ATP10B: variants seen among roughly 807,000 people sequenced by gnomAD.
The protein encoded by ATP10B is ATPase phospholipid transporting 10B (putative).
ATP10B carries 122 observed loss-of-function variants against 141.2 expected under a neutral mutation model. The observed-to-expected ratio is 0.86, with a 90% CI of 0.75 to 1.00. The LOEUF is 1.00. Among genes scored for constraint, ATP10B ranks in the 50% least tolerant of loss-of-function variants. The pLI is 0.00. For missense variants in ATP10B, 1,876 were observed against 1,825.3 expected (o/e 1.03, Z -0.51); for synonymous variants, 685 against 692.0 (o/e 0.99, Z 0.16).
intron 1 of ATP10B, among the ~76,000 whole-genome samples, chr5:160,844,514 G>C (rs1775998897): frequency 6.6e-6 from 1 of 151,622 alleles, no homozygotes; most frequent in African/African-American, 2.4e-5. Context: ...TTCTGATTAT[G>C]AAGTAGTAAG....
At chr5:160,602,528 G>A (rs1256272480) in intron 21 of ATP10B, 49 bp downstream of exon 21, 1 of 1,610,972 alleles carries the variant, frequency 6.2e-7, no homozygotes, top group Non-Finnish European at 8.5e-7. Flanking sequence ...CTGGCCCCGT[G>A]GCAAGGCCTG....
chr5:160,877,544 G>A, the ATP10B span, among the ~76,000 whole-genome samples: 16 of 149,982 alleles, frequency 1.1e-4, no homozygotes, highest in South Asian at 3.4e-3. Flanking sequence ...GGGCAATCAG[G>A]CAGGAGAAGG....
At chr5:160,830,735 A>G (rs1314050760) in intron 1 of ATP10B, among the ~76,000 whole-genome samples, 2 of 152,016 alleles carry the variant, frequency 1.3e-5, no homozygotes, top group South Asian at 2.1e-4. Context: ...TTTGACAACT[A>G]CGTCACTGGA....
intron 2 of ATP10B, among the ~76,000 whole-genome samples, chr5:160,760,902 C>G (rs1202166391): frequency 6.6e-6 from 1 of 152,096 alleles, no homozygotes. Flanking sequence ...ACCCACCTAC[C>G]CTCCCCGAAA....
At chr5:160,790,699 G>A (rs1771505442) in intron 1 of ATP10B, among the ~76,000 whole-genome samples, 1 of 152,106 alleles carries the variant, frequency 6.6e-6, no homozygotes, top group Non-Finnish European at 1.5e-5. Flanking sequence ...GGTTGCCAAG[G>A]GAACCTTGTA....
chr5:160,659,456 C>A (rs1242828756), intron 7 of ATP10B, among the ~76,000 whole-genome samples: 1 of 151,728 alleles, frequency 6.6e-6, no homozygotes, highest in Non-Finnish European at 1.5e-5. Flanking sequence ...CAGTGCAAGG[C>A]TCCGTCTCAA....
At chr5:160,872,957 T>C in the ATP10B span, among the ~76,000 whole-genome samples, 1 of 152,204 alleles carries the variant, frequency 6.6e-6, no homozygotes. Context: ...TCTAAATTGC[T>C]TTTGGTGGTA....
At chr5:160,717,301 A>G (rs1765719186) in intron 2 of ATP10B, among the ~76,000 whole-genome samples, 1 of 152,216 alleles carries the variant, frequency 6.6e-6, no homozygotes, top group African/African-American at 2.4e-5. Context: ...AAAATCTAAA[A>G]CAAAAATGAT....
chr5:160,929,266 G>C, the ATP10B span, among the ~76,000 whole-genome samples: 1 of 152,298 alleles, frequency 6.6e-6, no homozygotes, highest in South Asian at 2.1e-4. Flanking sequence ...AGGGAGGGTT[G>C]GCACTCCTTG....
chr5:160,716,735 T>C (rs1009662696), intron 3 of ATP10B, among the ~76,000 whole-genome samples, 174 bp downstream of exon 3: 1 of 152,208 alleles, frequency 6.6e-6, no homozygotes, highest in African/African-American at 2.4e-5. Flanking sequence ...CCAAGGCTGA[T>C]ATGGAGGCAC....
In ATP10B at chr5:160,700,964, A is replaced by T. The variant is rs527858398; in HGVS notation, c.-204-12021T>A. Among the ~76,000 whole-genome samples, 3 of 151,996 alleles carry T rather than the reference A, an allele frequency of 2.0e-5. No homozygotes were observed. In the South Asian group the frequency reaches 6.2e-4, roughly 32 times the overall value. ...CTTTGATTCCTCTTTTACCTCTCAT[A>T]TCCAATCAATTATCAAGTCCTGTTG... On this transcript the variant is annotated intron_variant, in intron 3 of 25. Transcript: ENST00000327245.
Position 160,677,259 on chromosome 5 carries a change from C to T in ATP10B, c.471-6592G>A, listed in dbSNP as rs1763088198. Among the ~76,000 whole-genome samples, 3 of 152,144 alleles carry T rather than the reference C, an allele frequency of 2.0e-5. No homozygotes were observed. The South Asian group carries it at 6.2e-4, about 31-fold the overall frequency. ...CTCCTGAAATGACAAGCTGAATTCG[C>T]CCAAATGGTTTATGGCCTTCTGTGA... On this transcript the variant is annotated intron_variant, in intron 6 of 25. Transcript: ENST00000327245.
chr5:160,597,514 G>A (rs1213976380), intron 22 of ATP10B, among the ~76,000 whole-genome samples: 1 of 152,118 alleles, frequency 6.6e-6, no homozygotes, highest in South Asian at 2.1e-4. Flanking sequence ...AACACCAAAA[G>A]CAATGGCAAC....
At chr5:160,620,299 A>G in intron 15 of ATP10B, 48 bp downstream of exon 15, 1 of 1,541,410 alleles carries the variant, frequency 6.5e-7, no homozygotes, top group Non-Finnish European at 8.8e-7. Flanking sequence ...ACTGCTTCTT[A>G]AACTATAGAA....
intron 13 of ATP10B, among the ~76,000 whole-genome samples, chr5:160,630,866 T>C (rs375164504): frequency 3.9e-5 from 6 of 152,322 alleles, no homozygotes; most frequent in East Asian, 3.9e-4. Context: ...CACCCAAAGT[T>C]AGATGAGTAA....
At chr5:160,918,002 A>T in the ATP10B span, among the ~76,000 whole-genome samples, 4 of 152,354 alleles carry the variant, frequency 2.6e-5, no homozygotes, top group African/African-American at 9.6e-5. Flanking sequence ...TTATCTGCAC[A>T]GTCAGCTGAG....
the ATP10B span, among the ~76,000 whole-genome samples, chr5:160,907,346 T>G: frequency 1.3e-5 from 2 of 152,048 alleles, no homozygotes; most frequent in African/African-American, 4.8e-5. Flanking sequence ...CCAGGCAATG[T>G]ACTAAACGCT....
Position 160,785,645 on chromosome 5 carries a change from A to G in ATP10B, c.-417T>C, listed in dbSNP as rs1278161737. 1.4e-5 allele frequency: 18 copies of G among 1,279,050 alleles called. No individual in the cohort carries two copies. Among genetic ancestry groups the G allele is most frequent in the Non-Finnish European group, 1.8e-5 (18 of 979,758 alleles). 79.2% of individuals were successfully genotyped at this position (1,279,050 alleles called of 1,614,324 possible). ...GTTTATTGTTCTCATCTTTGTGTCC[A>G]TGTGTAAGAAATGGTAGTTTCTCAT... On this transcript the variant is annotated 5_prime_UTR_variant, in exon 2 of 26. An upstream start codon of the reference 5' UTR is lost. Coordinates refer to ENST00000327245, the MANE Select transcript of ATP10B (RefSeq NM_025153.3).
the ATP10B span, among the ~76,000 whole-genome samples, chr5:160,924,689 T>C: frequency 6.6e-6 from 1 of 152,152 alleles, no homozygotes; most frequent in Non-Finnish European, 1.5e-5. Flanking sequence ...GAAATGGTAA[T>C]TGTGTTTGAC....
Sources: allele counts gnomAD v4.1 joint callset (sites outside exome capture counted in the v4.1 genomes callset), GRCh38; gene constraint gnomAD v4.1.1; transcripts MANE v1.5; gene names NCBI Gene and HGNC (gene_info 2026-07-23, HGNC 2026-07-21).